Variants in ZNF267 observed in about 807,000 individuals in gnomAD.
ZNF267 encodes the protein zinc finger protein 267.
ZNF267 carries 61 observed loss-of-function variants against 71.6 expected under a neutral mutation model. The observed-to-expected ratio is 0.85, with a 90% CI of 0.69 to 1.05. The LOEUF is 1.05. ZNF267 is among the 50% of genes least tolerant of loss of function. The probability of loss-of-function intolerance (pLI) is 0.00; values close to 1 mark genes in which losing one functional copy is unlikely to be tolerated. For missense variants in ZNF267, 852 were observed against 870.0 expected, an observed-to-expected ratio of 0.98 and a Z score of 0.26; for synonymous variants, 288 against 293.2, an observed-to-expected ratio of 0.98 and a Z score of 0.18.
At position 31,873,946 on chromosome 16, in the gene ZNF267, G is replaced by C; in HGVS notation, c.-21G>C. The C allele has an allele frequency of 1.2e-6, 2 of 1,613,756 alleles. No homozygotes were observed. The highest frequency in any genetic ancestry group is 8.5e-7 in the Non-Finnish European group (1 of 1,179,756). On this transcript the variant is annotated 5_prime_UTR_variant, in exon 1 of 4. Transcript: ENST00000300870. ...TGGGAGATTCGTAGCTAAGACGCCA[G>C]GGCATCCCGGAAGCTGGGAAATGGT...
At chr16:31,908,777 GTGTC>G (rs1297017734) in intron 3 of ZNF267, among the ~76,000 whole-genome samples, 3 of 152,062 alleles carry the variant, frequency 2.0e-5, no homozygotes, top group African/African-American at 7.2e-5. Context: ...ATTGGTCTGT[GTGTC>G]TGTTTTTATG....
At chr16:31,890,932 A>G (rs749639171) in intron 3 of ZNF267, among the ~76,000 whole-genome samples, 4 of 152,230 alleles carry the variant, frequency 2.6e-5, no homozygotes, top group Non-Finnish European at 5.9e-5. Flanking sequence ...TGTTTATTGG[A>G]TAATTTAATC....
chr16:31,887,500 C>G (rs2083932004), intron 3 of ZNF267, among the ~76,000 whole-genome samples: 1 of 151,960 alleles, frequency 6.6e-6, no homozygotes, highest in South Asian at 2.1e-4. Flanking sequence ...TTTCCTTATG[C>G]TTTGTTCTAG....
At chr16:31,878,559 G>C (rs1423498543) in intron 1 of ZNF267, among the ~76,000 whole-genome samples, 1 of 152,214 alleles carries the variant, frequency 6.6e-6, no homozygotes, top group Non-Finnish European at 1.5e-5. Flanking sequence ...CGTAGCAGCA[G>C]CCTAGTTTCT....
intron 3 of ZNF267, among the ~76,000 whole-genome samples, chr16:31,910,622 G>A (rs2142360907): frequency 6.6e-6 from 1 of 150,876 alleles, no homozygotes; most frequent in African/African-American, 2.5e-5. Context: ...GGTTTTATGT[G>A]GGTCTTCTTT....
intron 3 of ZNF267, among the ~76,000 whole-genome samples, chr16:31,888,541 T>C (rs1457041420): frequency 6.6e-6 from 1 of 152,094 alleles, no homozygotes; most frequent in African/African-American, 2.4e-5. Flanking sequence ...TGAAAATGTA[T>C]TTACTTCTGT....
chr16:31,892,492 G>A (rs1254919054), intron 3 of ZNF267, among the ~76,000 whole-genome samples: 1 of 152,116 alleles, frequency 6.6e-6, no homozygotes, highest in African/African-American at 2.4e-5. Flanking sequence ...GTCCCCCAAA[G>A]TCCTAACTAA....
chr16:31,901,612 G>T (rs989192633), intron 3 of ZNF267, among the ~76,000 whole-genome samples: 64 of 152,124 alleles, frequency 4.2e-4, no homozygotes, highest in African/African-American at 1.4e-3. Context: ...AGAAGTGTCT[G>T]TTCATATCCT....
chr16:31,900,147 G>C (rs1239239193), intron 3 of ZNF267, among the ~76,000 whole-genome samples: 1 of 150,900 alleles, frequency 6.6e-6, no homozygotes, highest in African/African-American at 2.4e-5. Context: ...ATACAGAATT[G>C]TATCAGGTAA....
intron 3 of ZNF267, chr16:31,912,423 AG>A (rs1166791904): frequency 6.6e-6 from 1 of 151,554 alleles, no homozygotes; most frequent in East Asian, 1.9e-4. Context: ...GACGTACTGG[AG>A]TTTCATTGTA....
At chr16:31,912,667 C>T (rs1455064624) in intron 3 of ZNF267, 2 of 151,620 alleles carry the variant, frequency 1.3e-5, no homozygotes, top group Non-Finnish European at 2.9e-5. Context: ...CTTAGATTTG[C>T]CCTTTTCAGG....
intron 3 of ZNF267, among the ~76,000 whole-genome samples, chr16:31,904,692 A>T (rs1182741215): frequency 2.0e-5 from 3 of 151,966 alleles, no homozygotes; most frequent in Non-Finnish European, 4.4e-5. Flanking sequence ...TGCACATGAG[A>T]TGGGTTTCCT....
chr16:31,874,274 G>C, intron 1 of ZNF267: 1 of 370,614 alleles, frequency 2.7e-6, no homozygotes, highest in Non-Finnish European at 4.9e-6. Context: ...GGTGAGGACG[G>C]GAGCGTCTCA....
At chr16:31,888,122 T>G (rs2083936243) in intron 3 of ZNF267, among the ~76,000 whole-genome samples, 1 of 152,080 alleles carries the variant, frequency 6.6e-6, no homozygotes, top group African/African-American at 2.4e-5. Flanking sequence ...AAAAAAAATT[T>G]TTGATACTAT....
intron 3 of ZNF267, among the ~76,000 whole-genome samples, chr16:31,892,798 C>T (rs1049065333): frequency 1.5e-4 from 23 of 152,372 alleles, no homozygotes; most frequent in South Asian, 8.3e-4. Flanking sequence ...GCTCTTACAG[C>T]CTTGGGCAGC....
At chr16:31,877,956 GT>G (rs1453116680) in intron 1 of ZNF267, among the ~76,000 whole-genome samples, 1 of 152,138 alleles carries the variant, frequency 6.6e-6, no homozygotes, top group African/African-American at 2.4e-5. Flanking sequence ...TAAGGATAGG[GT>G]TATGGGTGCC....
chr16:31,894,799 C>A, intron 3 of ZNF267: 1 of 499,940 alleles, frequency 2.0e-6, no homozygotes, highest in South Asian at 1.5e-5. Context: ...AGGAGCTGTT[C>A]CCTGCATACA....
intron 3 of ZNF267, among the ~76,000 whole-genome samples, chr16:31,889,858 A>G: frequency 6.6e-6 from 1 of 152,186 alleles, no homozygotes; most frequent in East Asian, 1.9e-4. Context: ...ACCTTCAAGA[A>G]TGGGGATTAC....
intron 1 of ZNF267, 175 bp downstream of exon 1, chr16:31,874,144 C>T: frequency 1.5e-6 from 1 of 670,556 alleles, no homozygotes. Context: ...GGCGGCCAGG[C>T]CGGCAGCCGG....
Sources: gnomAD v4.1 joint callset for allele counts (sites outside exome capture counted in the v4.1 genomes callset) on GRCh38, gnomAD v4.1.1 for gene constraint, MANE v1.5 for transcripts, NCBI Gene and HGNC (gene_info 2026-07-23, HGNC 2026-07-21) for gene names.